PPM1H: variants seen among roughly 807,000 people sequenced by gnomAD.
The protein encoded by PPM1H is protein phosphatase, Mg2+/Mn2+ dependent 1H, also known as protein phosphatase 1H.
Under a neutral mutation model 54.9 loss-of-function variants are expected in PPM1H, and 27 were observed. The observed-to-expected ratio is 0.49, with a 90% CI of 0.36 to 0.68. PPM1H has a LOEUF of 0.68. Ranked by LOEUF, PPM1H falls within the 30% of genes least tolerant of loss-of-function variation. The probability of loss-of-function intolerance (pLI) is 0.00; values close to 1 mark genes in which losing one functional copy is unlikely to be tolerated. For missense variants in PPM1H, 596 were observed against 667.8 expected (o/e 0.89, Z 1.19); for synonymous variants, 305 against 270.8 (o/e 1.13, Z -1.24).
intron 6 of PPM1H, among the ~76,000 whole-genome samples, chr12:62,705,601 G>GGA (rs1180926204): frequency 6.6e-6 from 1 of 152,160 alleles, no homozygotes; most frequent in African/African-American, 2.4e-5. Flanking sequence ...TGACTCTTAA[G>GGA]GAAATTCCAG....
chr12:62,654,661 G>C (rs181769789), intron 9 of PPM1H, among the ~76,000 whole-genome samples: 118 of 152,238 alleles, frequency 7.8e-4, no homozygotes, highest in African/African-American at 2.8e-3. Context: ...TTTGTCCCTG[G>C]GCTGAATTCT....
rs138746923 is a variant in PPM1H at position 62,657,432 on chromosome 12, C to T, written c.1398-8796G>A. 1.6e-3 allele frequency among the ~76,000 whole-genome samples: 247 copies of T among 152,266 alleles called. 1 individual carries two copies. Among genetic ancestry groups the T allele is most frequent in the Middle Eastern group, 0.014 (4 of 294 alleles). On this transcript the variant is annotated intron_variant, in intron 9 of 9. Transcript: ENST00000228705. Reference sequence around the variant, plus strand: ...CATAAACACCCTAAACAGGATGGGACGGTGGTTGGCTGTGTGCTGTTAGAG... The same window carrying T: ...CATAAACACCCTAAACAGGATGGGATGGTGGTTGGCTGTGTGCTGTTAGAG...
chr12:62,894,237 C>G (rs1870901206), intron 1 of PPM1H, among the ~76,000 whole-genome samples: 1 of 152,124 alleles, frequency 6.6e-6, no homozygotes, highest in African/African-American at 2.4e-5. Flanking sequence ...GGAATAACTT[C>G]CGTGGCAGAG....
chr12:62,857,809 CATTT>C (rs1034133987), intron 1 of PPM1H, among the ~76,000 whole-genome samples: 1 of 152,068 alleles, frequency 6.6e-6, no homozygotes, highest in Non-Finnish European at 1.5e-5. Context: ...TTATATTAAA[CATTT>C]ATTATATTGT....
chr12:62,871,488 T>C (rs913958190), intron 1 of PPM1H, among the ~76,000 whole-genome samples: 3 of 151,632 alleles, frequency 2.0e-5, no homozygotes, highest in African/African-American at 4.8e-5. Flanking sequence ...TGTGAATATA[T>C]TGAAAACCAC....
At chr12:62,818,137 A>G (rs1260407471) in intron 2 of PPM1H, among the ~76,000 whole-genome samples, 1 of 152,210 alleles carries the variant, frequency 6.6e-6, no homozygotes, top group African/African-American at 2.4e-5. Flanking sequence ...CAATACCCTA[A>G]ATATTTCCCA....
At chr12:62,728,979 A>G (rs1238925872) in intron 5 of PPM1H, among the ~76,000 whole-genome samples, 1 of 152,122 alleles carries the variant, frequency 6.6e-6, no homozygotes, top group Non-Finnish European at 1.5e-5. Flanking sequence ...TCAGCTGGCC[A>G]GTGAGTAGTG....
intron 4 of PPM1H, among the ~76,000 whole-genome samples, chr12:62,747,336 A>G (rs1298746539): frequency 2.0e-5 from 3 of 152,164 alleles, no homozygotes; most frequent in Non-Finnish European, 1.5e-5. Flanking sequence ...GGATTTCTCC[A>G]TGTTGGTCAG....
intron 1 of PPM1H, among the ~76,000 whole-genome samples, chr12:62,917,169 A>C (rs2121156037): frequency 6.6e-6 from 1 of 152,392 alleles, no homozygotes; most frequent in Admixed American, 6.5e-5. Flanking sequence ...ACGTGGCTGC[A>C]GGGCCACGTA....
chr12:62,706,874 G>A (rs1426272843), intron 6 of PPM1H, among the ~76,000 whole-genome samples: 1 of 152,140 alleles, frequency 6.6e-6, no homozygotes, highest in Non-Finnish European at 1.5e-5. Context: ...TTTTTATAAT[G>A]GTCAGTCGCA....
chr12:62,899,026 G>T (rs952715413), intron 1 of PPM1H, among the ~76,000 whole-genome samples: 1 of 152,132 alleles, frequency 6.6e-6, no homozygotes, highest in African/African-American at 2.4e-5. Flanking sequence ...TGTAATCAAA[G>T]ATCAGTATGT....
chr12:62,688,771 G>A (rs532525579), intron 8 of PPM1H, among the ~76,000 whole-genome samples: 13 of 152,224 alleles, frequency 8.5e-5, no homozygotes, highest in Non-Finnish European at 1.2e-4. Flanking sequence ...TGAGACGGGT[G>A]GATCACTTGA....
chr12:62,915,945 C>T (rs953100114), intron 1 of PPM1H, among the ~76,000 whole-genome samples: 3 of 152,212 alleles, frequency 2.0e-5, no homozygotes, highest in Non-Finnish European at 4.4e-5. Context: ...CTACACAAAA[C>T]CTGTTCTTCC....
chr12:62,896,281 G>A (rs556780580), intron 1 of PPM1H, among the ~76,000 whole-genome samples: 16 of 152,140 alleles, frequency 1.1e-4, no homozygotes, highest in Admixed American at 2.0e-4. Flanking sequence ...CTTCTGCACA[G>A]CAAAAGAAAC....
chr12:62,837,268 T>C (rs1868530033), intron 1 of PPM1H, among the ~76,000 whole-genome samples: 1 of 152,242 alleles, frequency 6.6e-6, no homozygotes, highest in African/African-American at 2.4e-5. Flanking sequence ...TCTGATGACA[T>C]GACACTTAGA....
At chr12:62,684,926 G>A (rs936771693) in intron 8 of PPM1H, among the ~76,000 whole-genome samples, 10 of 152,036 alleles carry the variant, frequency 6.6e-5, no homozygotes, top group Admixed American at 2.6e-4. Context: ...TTGTGGACAG[G>A]GGGTTCCTTG....
intron 4 of PPM1H, among the ~76,000 whole-genome samples, chr12:62,739,602 GGA>G (rs2120533814): frequency 6.6e-6 from 1 of 152,292 alleles, no homozygotes; most frequent in East Asian, 1.9e-4. Context: ...TCCCAGGCAT[GGA>G]CTAGGAAGAG....
At chr12:62,769,770 T>C (rs1379523470) in intron 4 of PPM1H, among the ~76,000 whole-genome samples, 1 of 152,016 alleles carries the variant, frequency 6.6e-6, no homozygotes, top group Non-Finnish European at 1.5e-5. Context: ...GAAAAAAACA[T>C]GGAATCACAG....
At chr12:62,667,070 A>G in intron 9 of PPM1H, 108 bp downstream of exon 9, 2 of 1,283,844 alleles carry the variant, frequency 1.6e-6, no homozygotes, top group South Asian at 1.5e-5. Context: ...TGTACCGTCC[A>G]TATCAGCCTC....
Sources: gnomAD v4.1 joint callset for allele counts (sites outside exome capture counted in the v4.1 genomes callset) on GRCh38, gnomAD v4.1.1 for gene constraint, MANE v1.5 for transcripts, NCBI Gene and HGNC (gene_info 2026-07-23, HGNC 2026-07-21) for gene names.